The following SIPA1L1 variants were observed in gnomAD, a reference collection of about 807,000 sequenced individuals.
SIPA1L1 encodes signal induced proliferation associated 1 like 1.
A neutral mutation model predicts 162.7 loss-of-function variants in SIPA1L1; 26 were observed. That is an observed-to-expected ratio of 0.16 (90% CI 0.12 to 0.22). The LOEUF (loss-of-function observed/expected upper bound fraction) is 0.22, where lower values mean the gene tolerates loss of function less well. Ranked by LOEUF, SIPA1L1 falls within the 10% of genes least tolerant of loss-of-function variation. The probability of loss-of-function intolerance (pLI) is 1.00; values close to 1 mark genes in which losing one functional copy is unlikely to be tolerated. For synonymous variants in SIPA1L1, 829 were observed against 837.4 expected (o/e 0.99, Z 0.17); for missense variants, 1,874 against 2,241.0 (o/e 0.84, Z 3.31).
chr14:71,514,567 G>A (rs1048517691), intron 3 of SIPA1L1, among the ~76,000 whole-genome samples: 1 of 152,072 alleles, frequency 6.6e-6, no homozygotes. Flanking sequence ...TTAGTGAGGC[G>A]GTGTGACAAC....
chr14:71,665,369 G>C (rs1209971905), intron 10 of SIPA1L1, among the ~76,000 whole-genome samples: 1 of 152,132 alleles, frequency 6.6e-6, no homozygotes, highest in Admixed American at 6.5e-5. Flanking sequence ...ACTAATTCCA[G>C]AGGCCAGTTA....
At chr14:71,738,967 G>T in intron 23 of SIPA1L1, 51 bp from the exon 24 acceptor site, 1 of 1,582,046 alleles carries the variant, frequency 6.3e-7, no homozygotes, top group Non-Finnish European at 8.6e-7. Context: ...GAAGAGCTGG[G>T]CAAGGTGGGG....
At chr14:71,562,212 G>T (rs2146640134) in intron 4 of SIPA1L1, among the ~76,000 whole-genome samples, 2 of 151,620 alleles carry the variant, frequency 1.3e-5, no homozygotes, top group East Asian at 3.9e-4. Flanking sequence ...TCATATCTAT[G>T]ACATCAGAAA....
intron 7 of SIPA1L1, among the ~76,000 whole-genome samples, chr14:71,640,398 A>G: frequency 6.6e-6 from 1 of 152,234 alleles, no homozygotes. Flanking sequence ...TAGTCTATCA[A>G]GATTAACAAT....
chr14:71,590,974 A>G (rs1303160378), intron 5 of SIPA1L1, among the ~76,000 whole-genome samples: 4 of 152,132 alleles, frequency 2.6e-5, no homozygotes, highest in Non-Finnish European at 4.4e-5. Context: ...GTCTCTTAAG[A>G]GGTAAACTAA....
chr14:71,420,142 A>G (rs977554220), intron 2 of SIPA1L1, among the ~76,000 whole-genome samples: 6 of 152,238 alleles, frequency 3.9e-5, no homozygotes, highest in African/African-American at 9.6e-5. Flanking sequence ...TAATTATTTT[A>G]TATCTATTAT....
chr14:71,419,698 C>T (rs1465046841), intron 2 of SIPA1L1, among the ~76,000 whole-genome samples: 1 of 151,702 alleles, frequency 6.6e-6, no homozygotes, highest in Non-Finnish European at 1.5e-5. Context: ...GGGGTTTCAC[C>T]TTGTTAGCCA....
At chr14:71,360,750 TAGA>T (rs2037732555) in intron 2 of SIPA1L1, among the ~76,000 whole-genome samples, 1 of 152,322 alleles carries the variant, frequency 6.6e-6, no homozygotes, top group Non-Finnish European at 1.5e-5. Flanking sequence ...ATTATTGTCT[TAGA>T]AGAAGTGTCA....
chr14:71,549,133 G>T (rs1642359775), intron 4 of SIPA1L1, among the ~76,000 whole-genome samples: 1 of 152,166 alleles, frequency 6.6e-6, no homozygotes, highest in Non-Finnish European at 1.5e-5. Context: ...GCTGGAGAAA[G>T]ATTTGGAATG....
At chr14:71,708,475 C>T (rs1393478766) in intron 16 of SIPA1L1, among the ~76,000 whole-genome samples, 2 of 152,068 alleles carry the variant, frequency 1.3e-5, no homozygotes, top group African/African-American at 2.4e-5. Flanking sequence ...TAGGCAGGCA[C>T]CACCATGCCT....
chr14:71,708,569 C>T (rs1003899089), intron 16 of SIPA1L1, among the ~76,000 whole-genome samples: 1 of 152,188 alleles, frequency 6.6e-6, no homozygotes, highest in Non-Finnish European at 1.5e-5. Context: ...AAGCAATCCA[C>T]CTGCCTTGGC....
intron 2 of SIPA1L1, among the ~76,000 whole-genome samples, chr14:71,340,349 G>A (rs1227403599): frequency 6.6e-6 from 1 of 151,776 alleles, no homozygotes; most frequent in Non-Finnish European, 1.5e-5. Context: ...GGCCTGTCAC[G>A]GTGTCGGCCC....
At chr14:71,554,928 C>T (rs775362259) in intron 4 of SIPA1L1, among the ~76,000 whole-genome samples, 5 of 152,002 alleles carry the variant, frequency 3.3e-5, no homozygotes, top group Admixed American at 2.0e-4. Flanking sequence ...TAAAGGCTCT[C>T]GATACATATT....
chr14:71,683,969 A>G (rs1161068501), intron 12 of SIPA1L1, among the ~76,000 whole-genome samples: 4 of 152,180 alleles, frequency 2.6e-5, no homozygotes, highest in Admixed American at 1.3e-4. Context: ...TGTGAAATGT[A>G]TGTCTTAGGT....
chr14:71,363,402 A>G (rs546168057), intron 2 of SIPA1L1, among the ~76,000 whole-genome samples: 1 of 151,948 alleles, frequency 6.6e-6, no homozygotes, highest in South Asian at 2.1e-4. Flanking sequence ...CTCCCCTCCC[A>G]TCCAGAAAAC....
At chr14:71,448,097 C>T (rs1023215797) in intron 2 of SIPA1L1, among the ~76,000 whole-genome samples, 14 of 152,122 alleles carry the variant, frequency 9.2e-5, no homozygotes, top group Non-Finnish European at 1.6e-4. Context: ...ATGTCATCTC[C>T]GTTTTGTAGA....
intron 2 of SIPA1L1, among the ~76,000 whole-genome samples, chr14:71,506,899 A>G (rs1369063337): frequency 1.4e-5 from 2 of 146,116 alleles, no homozygotes; most frequent in African/African-American, 5.1e-5. Context: ...CCTGGGCTCA[A>G]GCGTTCCACC....
intron 2 of SIPA1L1, among the ~76,000 whole-genome samples, chr14:71,381,041 C>A (rs1046001517): frequency 6.6e-6 from 1 of 152,136 alleles, no homozygotes; most frequent in African/African-American, 2.4e-5. Flanking sequence ...ATAAGACATT[C>A]ATTGATATGA....
chr14:71,423,468 T>TTG, intron 2 of SIPA1L1, among the ~76,000 whole-genome samples: 1 of 152,338 alleles, frequency 6.6e-6, no homozygotes, highest in East Asian at 1.9e-4. Context: ...GGTCTTACAT[T>TTG]TAAGTTTTTC....
Sources: gnomAD v4.1 joint callset for allele counts (sites outside exome capture counted in the v4.1 genomes callset) on GRCh38, gnomAD v4.1.1 for gene constraint, MANE v1.5 for transcripts, NCBI Gene and HGNC (gene_info 2026-07-23, HGNC 2026-07-21) for gene names.